PAX2: variants seen among roughly 807,000 people sequenced by gnomAD.
The protein encoded by PAX2 is paired box 2, also known as paired box protein Pax-2.
Under a neutral mutation model 41.7 loss-of-function variants are expected in PAX2, and 9 were observed. The ratio of observed to expected loss-of-function variants is 0.22; its 90% CI spans 0.13 to 0.38. PAX2 has a LOEUF of 0.38. PAX2 is among the 10% of genes least tolerant of loss of function. The pLI, the probability that PAX2 is intolerant of heterozygous loss-of-function variation, is 1.00. For synonymous variants in PAX2, 221 were observed against 212.7 expected (o/e 1.04, Z -0.34); for missense variants, 418 against 531.6 (o/e 0.79, Z 2.10).
chr10:100,764,427 C>A (rs2133865098), intron 3 of PAX2, among the ~76,000 whole-genome samples: 1 of 152,268 alleles, frequency 6.6e-6, no homozygotes, highest in Non-Finnish European at 1.5e-5. Context: ...CAGGCGTCAG[C>A]CACCGTGGCC....
chr10:100,737,816 G>A (rs188825839), intron 1 of PAX2, among the ~76,000 whole-genome samples: 196 of 152,346 alleles, frequency 1.3e-3, no homozygotes, highest in Non-Finnish European at 2.1e-3. Flanking sequence ...ACAGAGGCGC[G>A]TGACCGAACG....
rs1253057354 is a variant in PAX2, at chr10:100,750,811, C to T, written c.330C>T (p.Phe110=). 9.9e-6 allele frequency: 16 copies of T among 1,614,166 alleles called. No homozygotes were observed. The highest frequency in any genetic ancestry group is 2.2e-5 in the East Asian group (1 of 44,880). The change falls in exon 3 of 10, where the codon TTC becomes TTT. Residue 110 remains phenylalanine (F), a synonymous_variant. Coordinates refer to ENST00000355243, the MANE Select transcript of PAX2 (RefSeq NM_000278.5). This position sits in a 1 kb window ranked among gnomAD's most constrained non-coding sequence, Gnocchi z 4.1. ...AEYKRQNPTM[F]AWEIRDRLLA... is the part of the protein sequence containing the mutation. ...ACAAACGACAGAACCCGACTATGTT[C>T]GCCTGGGAGATTCGAGACCGGCTCC...
chr10:100,753,399 T>C, intron 3 of PAX2, among the ~76,000 whole-genome samples: 1 of 152,198 alleles, frequency 6.6e-6, no homozygotes, highest in Middle Eastern at 3.2e-3. Flanking sequence ...TGAGATGTAT[T>C]GTTTCACCCA....
At chr10:100,752,854 G>A (rs913265786) in intron 3 of PAX2, among the ~76,000 whole-genome samples, 1 of 152,168 alleles carries the variant, frequency 6.6e-6, no homozygotes, top group African/African-American at 2.4e-5. Flanking sequence ...CTTCTATCCT[G>A]AAAAGCCATG....
chr10:100,811,684 T>G lies in PAX2; in HGVS notation c.919+2448T>G, dbSNP rs114759634. On this transcript the variant is annotated intron_variant, in intron 7 of 9. Coordinates refer to ENST00000355243, the MANE Select transcript of PAX2 (RefSeq NM_000278.5). ...ATTTTCTTGGCAAATATTAAGGGCT[T>G]TGGTGGGAGAAGAGAAAAGGAGGCT... 6.5e-3 allele frequency among the ~76,000 whole-genome samples: 989 copies of G among 152,330 alleles called. 14 individuals are homozygous for G. Among genetic ancestry groups the G allele is most frequent in the African/African-American group, 0.023 (943 of 41,572 alleles).
intron 3 of PAX2, among the ~76,000 whole-genome samples, chr10:100,758,352 G>C (rs1208008706): frequency 6.6e-6 from 1 of 152,098 alleles, no homozygotes. Context: ...ATGTTAGCCG[G>C]GATGGTCTCG....
chr10:100,747,363 A>T (rs1265874769), intron 1 of PAX2: 1 of 152,390 alleles, frequency 6.6e-6, no homozygotes, highest in East Asian at 1.9e-4. Context: ...ACATGATGTT[A>T]CAGAAGAAAA....
Position 100,828,996 on chromosome 10 carries a change from T to C in PAX2, c.*1377T>C, listed in dbSNP as rs550364431. On this transcript the variant is annotated 3_prime_UTR_variant, in exon 10 of 10. Coordinates refer to ENST00000355243, the MANE Select transcript of PAX2 (RefSeq NM_000278.5). The surrounding 1 kb of genome is among the most constrained non-coding windows in gnomAD (Gnocchi z 6.5). Reference sequence around the variant, plus strand: ...TGTAGATACGCCCCGCTGTCTGTGCTGTGAGAGTCGCCGCTCGCTGGGGGG... The same window carrying C: ...TGTAGATACGCCCCGCTGTCTGTGCCGTGAGAGTCGCCGCTCGCTGGGGGG... 1.1e-3 allele frequency: 202 copies of C among 177,008 alleles called. 1 individual carries two copies. The highest frequency in any genetic ancestry group is 4.7e-3 in the African/African-American group (193 of 41,162). 11.0% of individuals were successfully genotyped at this position (177,008 alleles called of 1,614,324 possible). A position where few individuals can be genotyped will look rare whatever the true frequency, so the allele number is the denominator to read the frequency against.
At chr10:100,811,593 G>C (rs1338023090) in intron 7 of PAX2, among the ~76,000 whole-genome samples, 2 of 152,276 alleles carry the variant, frequency 1.3e-5, no homozygotes, top group African/African-American at 4.8e-5. Context: ...TCCAGGCAGA[G>C]CTGGAGTGCG....
In PAX2 at chr10:100,746,312, C is replaced by CCGAGCCGGGACA; in HGVS notation, c.43+9_43+10insCGAGCCGGGACA. On this transcript the variant is annotated intron_variant, in intron 1 of 9. Coordinates refer to ENST00000355243, the MANE Select transcript of PAX2 (RefSeq NM_000278.5). ...CTTCTCCGCGATGCACCGTGAGTACCGGCGCCCGGCTCCTGTCCCGGCTCG... is the reference window on the plus strand; with the variant it reads ...CTTCTCCGCGATGCACCGTGAGTACCCGAGCCGGGACAGGCGCCCGGCTCCTGTCCCGGCTCG... The CCGAGCCGGGACA allele has an allele frequency of 6.4e-7, 1 of 1,568,976 alleles. No homozygotes were observed. Among genetic ancestry groups the CCGAGCCGGGACA allele is most frequent in the Non-Finnish European group, 8.8e-7 (1 of 1,139,094 alleles).
intron 5 of PAX2, among the ~76,000 whole-genome samples, chr10:100,783,377 C>T (rs1041082774): frequency 2.0e-5 from 3 of 152,104 alleles, no homozygotes; most frequent in Non-Finnish European, 4.4e-5. Flanking sequence ...GGTCTGGTGG[C>T]GGGCCACAGG....
At chr10:100,747,886 T>C (rs1010567345) in intron 1 of PAX2, 9 of 984,496 alleles carry the variant, frequency 9.1e-6, no homozygotes, top group Middle Eastern at 5.2e-4. Flanking sequence ...TTCTCCTTTT[T>C]TGCGGATTCC....
At chr10:100,808,440 C>T (rs1847873641) in intron 6 of PAX2, among the ~76,000 whole-genome samples, 1 of 152,134 alleles carries the variant, frequency 6.6e-6, no homozygotes, top group Non-Finnish European at 1.5e-5. Context: ...CTGCTTTGTG[C>T]AGGCTCCCGG....
chr10:100,777,421 G>T (rs1383296586), intron 3 of PAX2, among the ~76,000 whole-genome samples: 5 of 99,046 alleles, frequency 5.0e-5, no homozygotes, highest in Admixed American at 2.0e-4. Context: ...TTGAGATGGA[G>T]TCTCACTCTA....
chr10:100,739,481 G>A (rs562770642), intron 1 of PAX2, among the ~76,000 whole-genome samples: 493 of 152,294 alleles, frequency 3.2e-3, no homozygotes, highest in Non-Finnish European at 5.1e-3. Context: ...TAGATTTGGT[G>A]CCGGCTCGCA....
rs190724867 is a variant in PAX2, at chr10:100,759,727, T to G, written c.410+8836T>G. 1.4e-3 allele frequency among the ~76,000 whole-genome samples: 217 copies of G among 152,044 alleles called. 2 individuals carry two copies. The highest frequency in any genetic ancestry group is 5.1e-3 in the African/African-American group (212 of 41,484). ...AACTGTGTTCACCCTGCAGGCACAG[T>G]AGAATCAAGAAATCAGAGAGGAAGG... On this transcript the variant is annotated intron_variant, in intron 3 of 9. Transcript: ENST00000355243.
At position 100,780,946 on chromosome 10, in the gene PAX2, G is replaced by A. The variant is rs142205138; in HGVS notation, c.497-300G>A. On this transcript the variant is annotated intron_variant, in intron 4 of 9. Transcript: ENST00000355243. ...TGTTTCCTGGGCCTGTACTCCATCC[G>A]TCTTTAGGAGAGTGAGTTTGAGAAC... is the stretch of plus-strand genomic sequence containing the variant. Among the ~76,000 whole-genome samples the A allele has an allele frequency of 1.2e-4, 19 of 152,302 alleles. 1 individual carries two copies. Among genetic ancestry groups the A allele is most frequent in the Admixed American group, 5.9e-4 (9 of 15,302 alleles).
At chr10:100,801,580 T>G (rs1037126539) in intron 5 of PAX2, among the ~76,000 whole-genome samples, 2 of 152,180 alleles carry the variant, frequency 1.3e-5, no homozygotes, top group African/African-American at 4.8e-5. Context: ...CTTGGAAAAG[T>G]CACTGCCCAC....
At chr10:100,779,475 A>C in intron 3 of PAX2, 23 bp from the exon 4 acceptor site, 2 of 1,565,238 alleles carry the variant, frequency 1.3e-6, no homozygotes, top group Non-Finnish European at 1.7e-6. Flanking sequence ...TTGATGTGTG[A>C]TGCTGTTGTG....
Sources: allele counts gnomAD v4.1 joint callset (sites outside exome capture counted in the v4.1 genomes callset), GRCh38; gene constraint gnomAD v4.1.1; non-coding constraint Gnocchi (gnomAD v3.1); transcripts MANE v1.5; gene names NCBI Gene and HGNC (gene_info 2026-07-23, HGNC 2026-07-21).